The following CCDC158 variants were observed in gnomAD, a reference collection of about 807,000 sequenced individuals.
CCDC158 encodes coiled-coil domain containing 158.
In CCDC158, 116 loss-of-function variants were observed where a neutral mutation model predicts 138.6. That is an observed-to-expected ratio of 0.84 (90% CI 0.72 to 0.98). The LOEUF (loss-of-function observed/expected upper bound fraction) is 0.98, where lower values mean the gene tolerates loss of function less well. CCDC158 is among the 50% of genes least tolerant of loss of function. The probability of loss-of-function intolerance (pLI) is 0.00; values close to 1 mark genes in which losing one functional copy is unlikely to be tolerated. For missense variants in CCDC158, 1,265 were observed against 1,306.1 expected (o/e 0.97, Z 0.48); for synonymous variants, 436 against 442.4 (o/e 0.99, Z 0.18).
At chr4:76,337,912 C>A (rs1721675924) in intron 18 of CCDC158, among the ~76,000 whole-genome samples, 1 of 152,160 alleles carries the variant, frequency 6.6e-6, no homozygotes, top group African/African-American at 2.4e-5. Context: ...GTCCCCAAAC[C>A]CTGGACCGGT....
intron 23 of CCDC158, among the ~76,000 whole-genome samples, chr4:76,323,635 C>T (rs929947438): frequency 1.3e-5 from 2 of 152,082 alleles, no homozygotes; most frequent in African/African-American, 4.8e-5. Flanking sequence ...TTTGATTGTG[C>T]TCAAACCAAT....
chr4:76,417,593 AG>A (rs1296889596), intron 1 of CCDC158, among the ~76,000 whole-genome samples: 2 of 133,524 alleles, frequency 1.5e-5, no homozygotes, highest in East Asian at 3.9e-4. Context: ...CCGCCATGTA[AG>A]AAGTGCCTTT....
chr4:76,390,116 G>A (rs1406012871), intron 4 of CCDC158, among the ~76,000 whole-genome samples: 1 of 152,052 alleles, frequency 6.6e-6, no homozygotes. Context: ...AAGGCTAAAT[G>A]ATAAACCAAT....
intron 15 of CCDC158, 25 bp downstream of exon 15, chr4:76,355,299 C>T (rs750258641): frequency 1.0e-5 from 15 of 1,459,318 alleles, no homozygotes; most frequent in Non-Finnish European, 1.4e-5. Flanking sequence ...ATGTTGGTTT[C>T]CCCACTCTGA....
At position 76,383,973 on chromosome 4, in the gene CCDC158, T is replaced by C; in HGVS notation, c.726+115A>G. 3 of 856,342 alleles carry C rather than the reference T, an allele frequency of 3.5e-6. No homozygotes were observed. In the South Asian group the frequency reaches 5.8e-5, roughly 16 times the overall value. The allele number at this position is 856,342 out of a possible 1,614,324, so 53.0% of individuals were successfully genotyped here. A position where few individuals can be genotyped will look rare whatever the true frequency, so the allele number is the denominator to read the frequency against. On this transcript the variant is annotated intron_variant, in intron 6 of 24. Transcript: ENST00000682701. ...ATTACTGTGGAAGTAACTTCTGTTATTTCAGAAAAATGAGAACTTGGCTTA... is the reference window on the plus strand; with the variant it reads ...ATTACTGTGGAAGTAACTTCTGTTACTTCAGAAAAATGAGAACTTGGCTTA...
intron 22 of CCDC158, among the ~76,000 whole-genome samples, chr4:76,328,105 C>T (rs1251883583): frequency 1.3e-5 from 2 of 152,176 alleles, no homozygotes; most frequent in Non-Finnish European, 2.9e-5. Flanking sequence ...TGCCACTTTG[C>T]TTATCAACAA....
chr4:76,344,428 A>C (rs939468894), intron 18 of CCDC158: 1 of 617,746 alleles, frequency 1.6e-6, no homozygotes, highest in Non-Finnish European at 2.9e-6. Context: ...TGCCACAGTG[A>C]GTTGTAAGTG....
At chr4:76,382,816 A>T (rs1437286537) in intron 7 of CCDC158, 96 bp from the exon 8 acceptor site, 1 of 816,994 alleles carries the variant, frequency 1.2e-6, no homozygotes, top group Non-Finnish European at 1.9e-6. Context: ...TCTCAAATTT[A>T]GTATTTTGCT....
chr4:76,410,811 G>A (rs1375714952), intron 2 of CCDC158, among the ~76,000 whole-genome samples: 3 of 152,086 alleles, frequency 2.0e-5, no homozygotes, highest in African/African-American at 7.2e-5. Context: ...AACTTCACAT[G>A]CTCTCAGTGT....
intron 19 of CCDC158, among the ~76,000 whole-genome samples, chr4:76,333,224 A>G (rs1458010637): frequency 6.6e-6 from 1 of 152,224 alleles, no homozygotes; most frequent in African/African-American, 2.4e-5. Context: ...CGAATTGGAC[A>G]TCATAAGAAA....
intron 4 of CCDC158, among the ~76,000 whole-genome samples, chr4:76,392,127 C>T (rs1727367894): frequency 6.6e-6 from 1 of 151,896 alleles, no homozygotes; most frequent in Non-Finnish European, 1.5e-5. Context: ...TCTATGATGG[C>T]AGTTATTACC....
chr4:76,407,960 G>A (rs1728965828), intron 2 of CCDC158, among the ~76,000 whole-genome samples: 2 of 152,096 alleles, frequency 1.3e-5, no homozygotes, highest in Non-Finnish European at 2.9e-5. Flanking sequence ...CAGGCTGTTG[G>A]AAAGCAGCAG....
At chr4:76,384,793 GTT>G (rs1726636922) in intron 4 of CCDC158, 128 bp from the exon 5 acceptor site, 6 of 643,618 alleles carry the variant, frequency 9.3e-6, no homozygotes, top group Non-Finnish European at 1.6e-5. Context: ...CACTGCTGCA[GTT>G]CAAAGTCTAA....
intron 7 of CCDC158, 21 bp downstream of exon 7, chr4:76,383,641 A>G: frequency 6.3e-7 from 1 of 1,579,266 alleles, no homozygotes; most frequent in African/African-American, 1.3e-5. Context: ...AGGCTTTTCC[A>G]TACCTCAGTC....
chr4:76,418,928 T>G (rs16996375), intron 1 of CCDC158, among the ~76,000 whole-genome samples: 39,632 of 152,042 alleles, frequency 0.26, 6,281 homozygotes, highest in East Asian at 0.7. Context: ...AGTATCTTAA[T>G]TCCAGATGAC....
intron 23 of CCDC158, among the ~76,000 whole-genome samples, chr4:76,324,399 C>T (rs754990603): frequency 6.6e-6 from 1 of 152,062 alleles, no homozygotes; most frequent in Non-Finnish European, 1.5e-5. Flanking sequence ...GTTGGTTAGG[C>T]TGGTCTTGAA....
intron 3 of CCDC158, among the ~76,000 whole-genome samples, chr4:76,400,445 C>A (rs952566007): frequency 4.0e-5 from 6 of 151,142 alleles, no homozygotes; most frequent in Non-Finnish European, 8.8e-5. Flanking sequence ...AGGAGATATA[C>A]CTAATGTAAA....
intron 24 of CCDC158, among the ~76,000 whole-genome samples, chr4:76,313,769 A>G (rs1719109199): frequency 6.6e-6 from 1 of 152,242 alleles, no homozygotes; most frequent in Non-Finnish European, 1.5e-5. Context: ...ATATCTGCAC[A>G]TATACATGAA....
At position 76,313,189 on chromosome 4, in the gene CCDC158, T is replaced by C; in HGVS notation, c.3335A>G (p.Glu1112Gly). Reference protein sequence around the residue: ...EKRIQKVKDQEKMLLK With the variant: ...EKRIQKVKDQGKMLLK ...AACGAGTCATTTTAGTAACATTTTT[T>C]CCTGGTCTTTTACTTTCTGTATCCT... Residue 1112 changes from glutamate to glycine, a missense_variant, in exon 25 of 25, where the codon GAA becomes GGA. By Grantham distance (98) the Glu-to-Gly change is moderately conservative. Coordinates refer to ENST00000682701, the MANE Select transcript of CCDC158 (RefSeq NM_001394954.1). 2 of 1,605,548 alleles carry C rather than the reference T, an allele frequency of 1.2e-6. No individual in the cohort carries two copies. Among genetic ancestry groups the C allele is most frequent in the Non-Finnish European group, 1.7e-6 (2 of 1,175,108 alleles).
Sources: allele counts gnomAD v4.1 joint callset (sites outside exome capture counted in the v4.1 genomes callset), GRCh38; gene constraint gnomAD v4.1.1; transcripts MANE v1.5; gene names NCBI Gene and HGNC (gene_info 2026-07-23, HGNC 2026-07-21).